Variants in SEPTIN11 observed in about 807,000 individuals in gnomAD.
SEPTIN11 encodes septin-11.
SEPTIN11 carries 25 observed loss-of-function variants against 51.4 expected under a neutral mutation model. That is an observed-to-expected ratio of 0.49 (90% CI 0.35 to 0.68). The LOEUF is 0.68. Among genes scored for constraint, SEPTIN11 ranks in the 30% least tolerant of loss-of-function variants. The pLI, the probability that SEPTIN11 is intolerant of heterozygous loss-of-function variation, is 0.00. For missense variants in SEPTIN11, 381 were observed against 520.8 expected, an observed-to-expected ratio of 0.73 and a Z score of 2.61; for synonymous variants, 174 against 184.1, an observed-to-expected ratio of 0.95 and a Z score of 0.44.
At position 76,999,255 on chromosome 4, in the gene SEPTIN11, C is replaced by T. The variant is rs568855043; in HGVS notation, c.142+2716C>T. Among the ~76,000 whole-genome samples the T allele has an allele frequency of 1.1e-4, 16 of 152,212 alleles. No homozygotes were observed. The South Asian group carries it at 2.9e-3, about 28-fold the overall frequency. On this transcript the variant is annotated intron_variant, in intron 2 of 9. Transcript: ENST00000264893. The stretch of plus-strand genomic sequence containing the variant: ...CCTCAGAGAGTTGAATATCAAATCC[C>T]GTTGCCATACATATTTTATAGCATA...
intron 7 of SEPTIN11, 104 bp downstream of exon 7, chr4:77,020,774 G>T: frequency 9.3e-7 from 1 of 1,079,468 alleles, no homozygotes; most frequent in Non-Finnish European, 1.3e-6. Context: ...ATGATGGAAG[G>T]ATCTGGTGGG....
chr4:76,980,911 T>C (rs1307367401), intron 1 of SEPTIN11, among the ~76,000 whole-genome samples: 4 of 152,220 alleles, frequency 2.6e-5, no homozygotes, highest in Non-Finnish European at 5.9e-5. Context: ...TGCCAAGCTA[T>C]AATCTTTCAA....
intron 1 of SEPTIN11, among the ~76,000 whole-genome samples, chr4:76,957,720 G>A (rs796770241): frequency 6.6e-6 from 1 of 151,856 alleles, no homozygotes; most frequent in African/African-American, 2.4e-5. Flanking sequence ...AACCACACAG[G>A]CTTCCCATTT....
chr4:77,029,783 TATATATACACACACATATACACAC>T (rs1448964210), intron 8 of SEPTIN11, among the ~76,000 whole-genome samples: 1 of 149,174 alleles, frequency 6.7e-6, no homozygotes, highest in Non-Finnish European at 1.5e-5. Flanking sequence ...CACACACACA[TATATATACACACACATATACACAC>T]ATATATACAT....
At chr4:76,982,894 A>G (rs562631383) in intron 1 of SEPTIN11, among the ~76,000 whole-genome samples, 14 of 151,776 alleles carry the variant, frequency 9.2e-5, no homozygotes, top group Non-Finnish European at 1.3e-4. Flanking sequence ...GCTTTTACTA[A>G]TATCTATCTT....
In SEPTIN11 at chr4:77,037,114, C is replaced by T; in HGVS notation, c.*2602C>T. On this transcript the variant is annotated 3_prime_UTR_variant, in exon 10 of 10. Transcript: ENST00000264893. ...TGGTGGCTCATGCCTGTAATCCCAG[C>T]ACTTTGAGAGGCCGAGGTGGGCAGA... 21 of 1,019,014 alleles carry T rather than the reference C, an allele frequency of 2.1e-5. No individual in the cohort carries two copies. The highest frequency in any genetic ancestry group is 2.5e-5 in the Non-Finnish European group (21 of 846,544). The allele number at this position is 1,019,014 out of a possible 1,614,324, so 63.1% of individuals were successfully genotyped here.
At chr4:76,956,860 A>G (rs545808742) in intron 1 of SEPTIN11, among the ~76,000 whole-genome samples, 45 of 152,244 alleles carry the variant, frequency 3.0e-4, no homozygotes, top group Non-Finnish European at 4.4e-4. Context: ...CAAGGAATCT[A>G]CTATGAAGCC....
intron 1 of SEPTIN11, among the ~76,000 whole-genome samples, chr4:76,994,421 C>T (rs1723553170): frequency 6.6e-6 from 1 of 152,168 alleles, no homozygotes; most frequent in Non-Finnish European, 1.5e-5. Flanking sequence ...GAAGGCTTGC[C>T]CAGCTACAAG....
At chr4:77,017,781 C>A (rs1725403253) in intron 5 of SEPTIN11, among the ~76,000 whole-genome samples, 1 of 152,192 alleles carries the variant, frequency 6.6e-6, no homozygotes, top group Admixed American at 6.5e-5. Context: ...CTTATTCTTA[C>A]ATGCTAATAG....
intron 1 of SEPTIN11, among the ~76,000 whole-genome samples, chr4:76,978,049 C>G (rs1186547085): frequency 6.6e-6 from 1 of 152,146 alleles, no homozygotes; most frequent in Non-Finnish European, 1.5e-5. Context: ...ATTCTTACAG[C>G]TTTGCCAGAG....
intron 1 of SEPTIN11, among the ~76,000 whole-genome samples, chr4:76,960,085 A>G (rs1578117960): frequency 6.6e-6 from 1 of 152,218 alleles, no homozygotes; most frequent in Non-Finnish European, 1.5e-5. Context: ...CGTGTAAGCC[A>G]TTCTCAGAGG....
At chr4:77,030,326 C>T (rs193118252) in intron 8 of SEPTIN11, among the ~76,000 whole-genome samples, 1 of 152,296 alleles carries the variant, frequency 6.6e-6, no homozygotes, top group African/African-American at 2.4e-5. Flanking sequence ...CAGCTCAGCT[C>T]CTCCAGGAAG....
At chr4:76,960,661 T>C (rs1021025742) in intron 1 of SEPTIN11, among the ~76,000 whole-genome samples, 2 of 152,208 alleles carry the variant, frequency 1.3e-5, no homozygotes, top group Non-Finnish European at 2.9e-5. Context: ...CTGCTGAATA[T>C]TTCTAAATCT....
chr4:77,025,561 G>A (rs1408428963), intron 7 of SEPTIN11, among the ~76,000 whole-genome samples: 1 of 151,638 alleles, frequency 6.6e-6, no homozygotes, highest in African/African-American at 2.4e-5. Flanking sequence ...AAAAAAAGAT[G>A]TAAAATCACT....
intron 5 of SEPTIN11, among the ~76,000 whole-genome samples, chr4:77,015,652 G>A (rs1017774791): frequency 3.3e-5 from 5 of 152,288 alleles, no homozygotes; most frequent in Middle Eastern, 3.4e-3. Flanking sequence ...CAATGACTCT[G>A]CACATCTTTT....
At chr4:77,002,960 A>G (rs1028438735) in intron 2 of SEPTIN11, among the ~76,000 whole-genome samples, 7 of 152,104 alleles carry the variant, frequency 4.6e-5, no homozygotes, top group Non-Finnish European at 1.0e-4. Context: ...CCCAAGCATT[A>G]ATTTCATGAT....
chr4:76,961,507 A>C (rs145036849), intron 1 of SEPTIN11, among the ~76,000 whole-genome samples: 1 of 152,196 alleles, frequency 6.6e-6, no homozygotes, highest in East Asian at 1.9e-4. Flanking sequence ...TGATAACCAC[A>C]TTATATTGAA....
chr4:77,004,909 G>A (rs1025474095), intron 2 of SEPTIN11, among the ~76,000 whole-genome samples: 2 of 152,172 alleles, frequency 1.3e-5, no homozygotes, highest in African/African-American at 2.4e-5. Context: ...GTTGCAGTGA[G>A]CCGAGATCGC....
At chr4:77,010,894 C>G (rs1253934799) in intron 3 of SEPTIN11, among the ~76,000 whole-genome samples, 1 of 152,188 alleles carries the variant, frequency 6.6e-6, no homozygotes, top group African/African-American at 2.4e-5. Flanking sequence ...TAATATACTA[C>G]TTACTTCCTG....
Sources: gnomAD v4.1 joint callset for allele counts (sites outside exome capture counted in the v4.1 genomes callset) on GRCh38, gnomAD v4.1.1 for gene constraint, MANE v1.5 for transcripts, NCBI Gene and HGNC (gene_info 2026-07-23, HGNC 2026-07-21) for gene names.